The following DLG2 variants were observed in gnomAD, a reference collection of about 807,000 sequenced individuals.
DLG2 encodes discs large MAGUK scaffold protein 2.
A neutral mutation model predicts 132.5 loss-of-function variants in DLG2; 45 were observed. The observed-to-expected ratio is 0.34, with a 90% CI of 0.27 to 0.44. The LOEUF is 0.44. Among genes scored for constraint, DLG2 ranks in the 20% least tolerant of loss-of-function variants. The pLI is 1.00. For synonymous variants in DLG2, 424 were observed against 419.6 expected, an observed-to-expected ratio of 1.01 and a Z score of -0.13; for missense variants, 1,045 against 1,196.9, an observed-to-expected ratio of 0.87 and a Z score of 1.87.
At chr11:83,992,169 T>C (rs1336032239) in intron 11 of DLG2, among the ~76,000 whole-genome samples, 2 of 152,178 alleles carry the variant, frequency 1.3e-5, no homozygotes, top group African/African-American at 4.8e-5. Flanking sequence ...ATTTAACTCA[T>C]TAAACACTTA....
chr11:84,254,128 ACT>A (rs1045870515), intron 7 of DLG2, among the ~76,000 whole-genome samples: 2 of 151,202 alleles, frequency 1.3e-5, no homozygotes, highest in African/African-American at 4.9e-5. Flanking sequence ...TAGACTGAAA[ACT>A]CTCTGAATAT....
At chr11:85,321,010 A>AAAAATAAAAT (rs201924335) in intron 3 of DLG2, among the ~76,000 whole-genome samples, 3 of 151,854 alleles carry the variant, frequency 2.0e-5, no homozygotes, top group African/African-American at 7.2e-5. Flanking sequence ...GTATGGTCCA[A>AAAAATAAAAT]AAAATAAAAT....
chr11:84,533,523 G>A (rs749414101), intron 7 of DLG2, among the ~76,000 whole-genome samples: 1 of 152,192 alleles, frequency 6.6e-6, no homozygotes. Context: ...AGTAGCTATA[G>A]CTAATTTATT....
At chr11:84,585,885 C>T (rs1300076951) in intron 6 of DLG2, among the ~76,000 whole-genome samples, 1 of 152,242 alleles carries the variant, frequency 6.6e-6, no homozygotes, top group African/African-American at 2.4e-5. Flanking sequence ...ACGCTGTGGG[C>T]TTACACCTGT....
chr11:85,509,480 C>G (rs762105321), intron 3 of DLG2, among the ~76,000 whole-genome samples: 1 of 151,952 alleles, frequency 6.6e-6, no homozygotes, highest in Non-Finnish European at 1.5e-5. Context: ...GCAACCAGGA[C>G]GGTGGAGGGC....
intron 17 of DLG2, among the ~76,000 whole-genome samples, chr11:83,831,392 T>G (rs973635744): frequency 1.3e-5 from 2 of 152,152 alleles, no homozygotes; most frequent in Non-Finnish European, 2.9e-5. Flanking sequence ...ACCTGATGAG[T>G]AGGCAGAGGC....
At chr11:83,948,281 T>C (rs1320936027) in intron 14 of DLG2, among the ~76,000 whole-genome samples, 2 of 152,184 alleles carry the variant, frequency 1.3e-5, no homozygotes, top group East Asian at 3.8e-4. Context: ...ATCCAATTTT[T>C]TTAAAGAAAA....
chr11:83,935,765 A>G (rs2081300182), intron 14 of DLG2, among the ~76,000 whole-genome samples: 1 of 152,264 alleles, frequency 6.6e-6, no homozygotes, highest in East Asian at 1.9e-4. Context: ...CAGAAAAATT[A>G]TAAATTGCAA....
chr11:84,810,810 T>C (rs1013382971), intron 6 of DLG2, among the ~76,000 whole-genome samples: 26 of 152,080 alleles, frequency 1.7e-4, no homozygotes, highest in African/African-American at 6.0e-4. Context: ...TTCCAAAATA[T>C]TATGCTGAGT....
At chr11:84,307,665 C>T (rs1275155657) in intron 7 of DLG2, among the ~76,000 whole-genome samples, 1 of 136,022 alleles carries the variant, frequency 7.4e-6, no homozygotes, top group Non-Finnish European at 1.5e-5. Context: ...CACTGCAGTC[C>T]GGCCTGGGTG....
intron 6 of DLG2, among the ~76,000 whole-genome samples, chr11:84,726,522 AT>A (rs1397742702): frequency 6.6e-6 from 1 of 152,136 alleles, no homozygotes; most frequent in Non-Finnish European, 1.5e-5. Context: ...TTTGATGGAC[AT>A]TTGGGTTGGT....
chr11:85,183,784 A>G (rs902145396), intron 4 of DLG2, among the ~76,000 whole-genome samples: 1 of 151,836 alleles, frequency 6.6e-6, no homozygotes. Context: ...AGGCTGCCCT[A>G]TTTCTAGGTT....
At chr11:85,394,137 C>G (rs1469104473) in intron 3 of DLG2, among the ~76,000 whole-genome samples, 1 of 152,056 alleles carries the variant, frequency 6.6e-6, no homozygotes, top group South Asian at 2.1e-4. Flanking sequence ...AACTTCTGTT[C>G]CTTTTTATCT....
chr11:84,141,919 A>C lies in DLG2; in HGVS notation c.624+21542T>G, dbSNP rs1331428457. Among the ~76,000 whole-genome samples, 3 of 152,192 alleles carry C rather than the reference A, an allele frequency of 2.0e-5. No individual in the cohort carries two copies. The East Asian group carries it at 5.8e-4, about 29-fold the overall frequency. ...AACAGTACTGATTCCATTGTTTTCA[A>C]CCTGGAATTTGTATATTTAACTTTT... On this transcript the variant is annotated intron_variant, in intron 9 of 27. Coordinates refer to ENST00000376104, the MANE Select transcript of DLG2 (RefSeq NM_001142699.3).
intron 3 of DLG2, among the ~76,000 whole-genome samples, chr11:85,586,367 A>G (rs910248230): frequency 5.3e-5 from 8 of 150,364 alleles, no homozygotes; most frequent in African/African-American, 2.0e-4. Flanking sequence ...CTTTTTAATT[A>G]CTCTTTCAAT....
chr11:85,568,825 T>C (rs2077682881), intron 3 of DLG2, among the ~76,000 whole-genome samples: 1 of 152,144 alleles, frequency 6.6e-6, no homozygotes, highest in Non-Finnish European at 1.5e-5. Context: ...AGCTAAAAGT[T>C]TGTCAATTTT....
chr11:84,190,454 T>C (rs1213091651), intron 8 of DLG2, among the ~76,000 whole-genome samples: 1 of 152,124 alleles, frequency 6.6e-6, no homozygotes, highest in Non-Finnish European at 1.5e-5. Context: ...TTTTTCCCCC[T>C]CTAGAATTGT....
rs151024577 is a variant in DLG2, at chr11:85,194,611, C to G, written c.187-39960G>C. Among the ~76,000 whole-genome samples, 938 of 151,642 alleles carry G rather than the reference C, an allele frequency of 6.2e-3. 7 individuals carry two copies. Among genetic ancestry groups the G allele is most frequent in the South Asian group, 0.013 (63 of 4,786 alleles). Reference sequence around the variant, plus strand: ...TTCCGCACTCCCCTCACCCCCACCCCCGCCAAAGAAAAATTCAAGCAGAAT... The same window carrying G: ...TTCCGCACTCCCCTCACCCCCACCCGCGCCAAAGAAAAATTCAAGCAGAAT... On this transcript the variant is annotated intron_variant, in intron 4 of 27. Coordinates refer to ENST00000376104, the MANE Select transcript of DLG2 (RefSeq NM_001142699.3).
At chr11:84,688,586 G>A (rs2057643140) in intron 6 of DLG2, among the ~76,000 whole-genome samples, 2 of 152,188 alleles carry the variant, frequency 1.3e-5, no homozygotes, top group Non-Finnish European at 2.9e-5. Flanking sequence ...CCCTTAAGAA[G>A]AGAAGCACTG....
Sources: allele counts gnomAD v4.1 joint callset (sites outside exome capture counted in the v4.1 genomes callset), GRCh38; gene constraint gnomAD v4.1.1; transcripts MANE v1.5; gene names NCBI Gene and HGNC (gene_info 2026-07-23, HGNC 2026-07-21).